Variants in E2F7 observed in about 807,000 individuals in gnomAD.
The protein encoded by E2F7 is transcription factor E2F7.
Under a neutral mutation model 81.1 loss-of-function variants are expected in E2F7, and 35 were observed. That is an observed-to-expected ratio of 0.43 (90% CI 0.33 to 0.57). The LOEUF is 0.57. Among genes scored for constraint, E2F7 ranks in the 20% least tolerant of loss-of-function variants. E2F7 has a pLI of 0.04. For missense variants in E2F7, 961 were observed against 1,093.7 expected (o/e 0.88, Z 1.71); for synonymous variants, 416 against 416.2 (o/e 1.00, Z 0.01).
At chr12:77,052,686 AT>A (rs1954999552) in intron 3 of E2F7, among the ~76,000 whole-genome samples, 1 of 152,198 alleles carries the variant, frequency 6.6e-6, no homozygotes, top group Non-Finnish European at 1.5e-5. Flanking sequence ...AATGAACTAT[AT>A]TAAACTTAAG....
chr12:77,055,807 A>T, intron 3 of E2F7, 48 bp downstream of exon 3: 1 of 1,523,494 alleles, frequency 6.6e-7, no homozygotes, highest in Non-Finnish European at 8.8e-7. Context: ...ATAATCAAGT[A>T]AAATTGTTTA....
intron 5 of E2F7, among the ~76,000 whole-genome samples, chr12:77,045,135 G>C (rs149751963): frequency 4.0e-4 from 61 of 152,270 alleles, no homozygotes; most frequent in African/African-American, 1.4e-3. Context: ...TAAAAAGATA[G>C]GGTGGGAATA....
At chr12:77,046,451 G>T in intron 4 of E2F7, 123 bp from the exon 5 acceptor site, 1 of 1,038,888 alleles carries the variant, frequency 9.6e-7, no homozygotes, top group Non-Finnish European at 1.4e-6. Flanking sequence ...TGCCCACTGC[G>T]TGGATGCTCA....
chr12:77,028,256 G>A (rs1303343710), intron 10 of E2F7, 118 bp from the exon 11 acceptor site: 10 of 1,319,724 alleles, frequency 7.6e-6, no homozygotes, highest in Non-Finnish European at 9.1e-6. Context: ...GCAGTGGCAC[G>A]ATCCCAGCTC....
chr12:77,026,052 G>C (rs1336044056), intron 11 of E2F7, 70 bp from the exon 12 acceptor site: 1 of 1,470,506 alleles, frequency 6.8e-7, no homozygotes, highest in Non-Finnish European at 9.0e-7. Flanking sequence ...GCTCACATTT[G>C]TCATGGCCCT....
At chr12:77,031,692 A>G (rs919495007) in intron 9 of E2F7, among the ~76,000 whole-genome samples, 3 of 151,958 alleles carry the variant, frequency 2.0e-5, no homozygotes, top group Non-Finnish European at 4.4e-5. Context: ...ATAAAAACAC[A>G]CAACAAAAAA....
intron 7 of E2F7, among the ~76,000 whole-genome samples, chr12:77,037,203 G>C (rs77896122): frequency 0.06 from 9,198 of 152,286 alleles, 785 homozygotes; most frequent in African/African-American, 0.19. Flanking sequence ...ATATTAGATG[G>C]AAACTTACAT....
chr12:77,050,807 G>A, intron 3 of E2F7, 63 bp from the exon 4 acceptor site: 8 of 1,561,416 alleles, frequency 5.1e-6, no homozygotes, highest in Middle Eastern at 1.8e-4. Context: ...TGGAGAAATG[G>A]CAATGGCCAG....
intron 11 of E2F7, among the ~76,000 whole-genome samples, chr12:77,026,410 G>A (rs146596608): frequency 3.9e-5 from 6 of 151,980 alleles, no homozygotes; most frequent in South Asian, 2.1e-4. Flanking sequence ...TCAAGCAGTC[G>A]TCCCATTTCA....
rs1016810109 is a variant in E2F7 at position 77,064,559 on chromosome 12, C to T, written c.77G>A (p.Gly26Glu). Reference sequence around the variant, plus strand: ...TTTGCTTACCTTTTGTGCATTTTCCCCATCTTCAACTGCAAAATCTAGTCT... The same window carrying T: ...TTTGCTTACCTTTTGTGCATTTTCCTCATCTTCAACTGCAAAATCTAGTCT... Reference protein sequence around the residue: ...QPRLDFAVEDGENAQKENIFV... With the variant: ...QPRLDFAVEDEENAQKENIFV... Residue 26 changes from glycine (G) to glutamate (E), a missense_variant, in exon 2 of 13, where the codon GGG (glycine) becomes GAG (glutamate). Physicochemically the swap from Gly to Glu is moderately conservative, Grantham distance 98. Transcript: ENST00000322886. 2.5e-6 allele frequency: 4 copies of T among 1,614,000 alleles called. No homozygotes were observed. Among genetic ancestry groups the T allele is most frequent in the South Asian group, 1.1e-5 (1 of 91,052 alleles).
At chr12:77,024,755 G>C (rs1226720814) in intron 12 of E2F7, among the ~76,000 whole-genome samples, 1 of 152,192 alleles carries the variant, frequency 6.6e-6, no homozygotes, top group Admixed American at 6.5e-5. Flanking sequence ...CATGGTGATA[G>C]AAAATTCTAT....
intron 7 of E2F7, among the ~76,000 whole-genome samples, chr12:77,042,857 C>T (rs1954904630): frequency 6.6e-6 from 1 of 152,196 alleles, no homozygotes; most frequent in Non-Finnish European, 1.5e-5. Context: ...ATTATAAACA[C>T]TCAGTATTTC....
intron 3 of E2F7, among the ~76,000 whole-genome samples, chr12:77,051,078 G>A (rs1178551168): frequency 6.6e-6 from 1 of 152,184 alleles, no homozygotes; most frequent in Non-Finnish European, 1.5e-5. Context: ...GTGAGATGTA[G>A]AAGCTCAGGC....
In E2F7 at chr12:77,024,299, C is replaced by T. The variant is rs545429122; in HGVS notation, c.2566-114G>A. 3.8e-4 allele frequency: 436 copies of T among 1,161,106 alleles called. 1 individual carries two copies. The African/African-American group carries it at 6.2e-3, about 17-fold the overall frequency. The allele number at this position is 1,161,106 out of a possible 1,614,324, so 71.9% of individuals were successfully genotyped here. A position where few individuals can be genotyped will look rare whatever the true frequency, so the allele number is the denominator to read the frequency against. The stretch of plus-strand genomic sequence containing the variant: ...TAGGATCCCAAGGCAGGCGTTCCTT[C>T]TTCTTTGCTTTCTTATCACACTTAC... On this transcript the variant is annotated intron_variant, in intron 12 of 12. Coordinates refer to ENST00000322886, the MANE Select transcript of E2F7 (RefSeq NM_203394.3).
At chr12:77,059,057 C>G (rs1312524085) in intron 2 of E2F7, among the ~76,000 whole-genome samples, 1 of 152,088 alleles carries the variant, frequency 6.6e-6, no homozygotes, top group Admixed American at 6.5e-5. Flanking sequence ...CAGAGATTTA[C>G]ATGCCTTCTC....
At chr12:77,033,318 G>T (rs1954821292) in intron 8 of E2F7, among the ~76,000 whole-genome samples, 196 bp from the exon 9 acceptor site, 1 of 152,018 alleles carries the variant, frequency 6.6e-6, no homozygotes, top group South Asian at 2.1e-4. Context: ...TTCAAAATAA[G>T]CCTGGGCAAC....
At chr12:77,031,272 A>C (rs1305294362) in intron 9 of E2F7, among the ~76,000 whole-genome samples, 1 of 152,168 alleles carries the variant, frequency 6.6e-6, no homozygotes. Flanking sequence ...TGTTTGGAAA[A>C]ATTTCCAAAT....
At chr12:77,054,298 G>A (rs746421444) in intron 3 of E2F7, among the ~76,000 whole-genome samples, 12 of 151,092 alleles carry the variant, frequency 7.9e-5, no homozygotes, top group Non-Finnish European at 1.5e-4. Context: ...AAAAGCATCA[G>A]TATAGTAAGT....
chr12:77,040,590 G>A (rs1761181503), intron 7 of E2F7, among the ~76,000 whole-genome samples: 2 of 152,064 alleles, frequency 1.3e-5, no homozygotes, highest in Admixed American at 6.5e-5. Flanking sequence ...TGTGAATAAC[G>A]AAGATCAACC....
Sources: gnomAD v4.1 joint callset for allele counts (sites outside exome capture counted in the v4.1 genomes callset) on GRCh38, gnomAD v4.1.1 for gene constraint, MANE v1.5 for transcripts, NCBI Gene and HGNC (gene_info 2026-07-23, HGNC 2026-07-21) for gene names.